MTA3: variants seen among roughly 807,000 people sequenced by gnomAD.
MTA3 encodes metastasis associated 1 family member 3.
Under a neutral mutation model 83.5 loss-of-function variants are expected in MTA3, and 34 were observed. The observed-to-expected ratio is 0.41, with a 90% CI of 0.31 to 0.54. The LOEUF is 0.54. MTA3 is among the 20% of genes least tolerant of loss of function. The probability of loss-of-function intolerance (pLI) is 0.33; values close to 1 mark genes in which losing one functional copy is unlikely to be tolerated. For synonymous variants in MTA3, 303 were observed against 252.7 expected (o/e 1.20, Z -1.89); for missense variants, 761 against 726.4 (o/e 1.05, Z -0.55).
chr2:42,717,050 G>A (rs1470527032), intron 14 of MTA3, among the ~76,000 whole-genome samples: 2 of 139,062 alleles, frequency 1.4e-5, no homozygotes, highest in African/African-American at 5.4e-5. Context: ...GTATCTCATT[G>A]TGTTTTTTTT....
At chr2:42,672,993 C>T (rs1006562031) in intron 8 of MTA3, among the ~76,000 whole-genome samples, 14 of 151,766 alleles carry the variant, frequency 9.2e-5, no homozygotes, top group East Asian at 1.9e-4. Flanking sequence ...ATTACAGGTG[C>T]GCGCCATCAT....
At chr2:42,594,726 A>ATTTTTTTTTT (rs1303482913) in intron 3 of MTA3, among the ~76,000 whole-genome samples, 18 of 29,362 alleles carry the variant, frequency 6.1e-4, no homozygotes, top group African/African-American at 4.2e-3. Flanking sequence ...ATATATATAT[A>ATTTTTTTTTT]TATTTTTTTT....
chr2:42,637,367 G>A (rs905184429), intron 4 of MTA3, among the ~76,000 whole-genome samples: 22 of 152,212 alleles, frequency 1.4e-4, no homozygotes, highest in Admixed American at 3.3e-4. Flanking sequence ...ACATGATTAG[G>A]TTCATTGCTT....
At position 42,619,757 on chromosome 2, in the gene MTA3, C is replaced by T. The variant is rs77409630; in HGVS notation, c.317+10173C>T. On this transcript the variant is annotated intron_variant, in intron 4 of 16. Coordinates refer to ENST00000405094, the MANE Select transcript of MTA3 (RefSeq NM_001330442.2). The stretch of plus-strand genomic sequence containing the variant: ...CCCAGATGTCCCCCAAGACTTTTTC[C>T]GAGGGTTTATGAAATCAAGACTATT... Among the ~76,000 whole-genome samples the T allele has an allele frequency of 5.3e-3, 801 of 152,082 alleles. 19 individuals carry two copies. Among genetic ancestry groups the T allele is most frequent in the Admixed American group, 0.033 (504 of 15,264 alleles).
At chr2:42,740,512 TG>T (rs1202989684) in intron 16 of MTA3, among the ~76,000 whole-genome samples, 2 of 152,204 alleles carry the variant, frequency 1.3e-5, no homozygotes, top group African/African-American at 4.8e-5. Context: ...CTCCAATGAA[TG>T]AATGAATGAA....
chr2:42,676,759 C>T (rs1362753005), intron 8 of MTA3, among the ~76,000 whole-genome samples: 1 of 152,122 alleles, frequency 6.6e-6, no homozygotes, highest in East Asian at 1.9e-4. Context: ...GAGTGAGACC[C>T]TGTCTCCAAA....
chr2:42,594,490 G>A (rs998063981), intron 3 of MTA3, among the ~76,000 whole-genome samples: 10 of 150,238 alleles, frequency 6.7e-5, no homozygotes, highest in African/African-American at 2.2e-4. Context: ...CACCCAACTC[G>A]GACTCCCAAA....
chr2:42,531,261 C>G (rs1489493226), intron 2 of MTA3, among the ~76,000 whole-genome samples: 1 of 152,062 alleles, frequency 6.6e-6, no homozygotes, highest in Non-Finnish European at 1.5e-5. Context: ...TACTGTTTAC[C>G]CGGGTCTGTG....
intron 4 of MTA3, among the ~76,000 whole-genome samples, chr2:42,621,806 C>G (rs1246245176): frequency 6.7e-6 from 1 of 148,356 alleles, no homozygotes; most frequent in Non-Finnish European, 1.5e-5. Context: ...CGCTCCTCAC[C>G]TCCCAGACGG....
rs147989674 is a variant in MTA3, at chr2:42,574,379, G to A, written c.96+3875G>A. 7.5e-3 allele frequency among the ~76,000 whole-genome samples: 1,138 copies of A among 151,962 alleles called. 9 individuals are homozygous for A. Among genetic ancestry groups the A allele is most frequent in the African/African-American group, 0.026 (1,073 of 41,418 alleles). On this transcript the variant is annotated intron_variant, in intron 2 of 16. Coordinates refer to ENST00000405094, the MANE Select transcript of MTA3 (RefSeq NM_001330442.2). Reference sequence around the variant, plus strand: ...CGACCTCAGGTGATCTACCACCTCGGCCTCCCAAAGTGCTGGGATTACAGG... The same window carrying A: ...CGACCTCAGGTGATCTACCACCTCGACCTCCCAAAGTGCTGGGATTACAGG...
At chr2:42,533,791 C>T (rs1459172622) in intron 2 of MTA3, among the ~76,000 whole-genome samples, 1 of 145,746 alleles carries the variant, frequency 6.9e-6, no homozygotes, top group East Asian at 2.0e-4. Context: ...GAGATCGTGC[C>T]ACTGCACTCC....
chr2:42,571,718 C>T (rs1194276232), intron 2 of MTA3, among the ~76,000 whole-genome samples: 4 of 151,914 alleles, frequency 2.6e-5, no homozygotes, highest in African/African-American at 7.3e-5. Flanking sequence ...GAGGTCGAGG[C>T]GGGCGGATCA....
chr2:42,669,083 A>ATT (rs761988223), intron 8 of MTA3, among the ~76,000 whole-genome samples: 44 of 130,728 alleles, frequency 3.4e-4, no homozygotes, highest in African/African-American at 5.4e-4. Flanking sequence ...GAAAATACAG[A>ATT]TTTTTTTTTT....
chr2:42,510,434 C>T (rs1449940425), intron 2 of MTA3, among the ~76,000 whole-genome samples: 1 of 152,010 alleles, frequency 6.6e-6, no homozygotes, highest in Non-Finnish European at 1.5e-5. Flanking sequence ...TTCTTGAGAT[C>T]AGCTCCCATC....
At chr2:42,524,957 CT>C (rs540854902) in intron 2 of MTA3, among the ~76,000 whole-genome samples, 50,848 of 140,920 alleles carry the variant, frequency 0.36, 8,655 homozygotes, top group South Asian at 0.41. Flanking sequence ...CTGTGGGTCT[CT>C]TTTTTTTTTT....
intron 2 of MTA3, among the ~76,000 whole-genome samples, chr2:42,543,021 T>C (rs918194644): frequency 6.6e-6 from 1 of 151,852 alleles, no homozygotes; most frequent in African/African-American, 2.4e-5. Flanking sequence ...GCAAGAAGTG[T>C]GGAGAGTGTT....
chr2:42,653,225 G>A (rs536283984), intron 6 of MTA3, among the ~76,000 whole-genome samples: 12 of 152,248 alleles, frequency 7.9e-5, no homozygotes, highest in South Asian at 2.1e-4. Flanking sequence ...AGGGGAGATC[G>A]TCATGGTCTG....
At chr2:42,707,232 G>A (rs977958320) in intron 12 of MTA3, among the ~76,000 whole-genome samples, 1 of 151,676 alleles carries the variant, frequency 6.6e-6, no homozygotes, top group Non-Finnish European at 1.5e-5. Flanking sequence ...GTTTGGAAAC[G>A]TGGATTTAGA....
At chr2:42,742,382 G>A (rs1669101423) in intron 16 of MTA3, among the ~76,000 whole-genome samples, 2 of 151,900 alleles carry the variant, frequency 1.3e-5, no homozygotes, top group South Asian at 4.2e-4. Context: ...TAGGTGATCC[G>A]CCTGCCTCAG....
Sources: allele counts gnomAD v4.1 joint callset (sites outside exome capture counted in the v4.1 genomes callset), GRCh38; gene constraint gnomAD v4.1.1; transcripts MANE v1.5; gene names NCBI Gene and HGNC (gene_info 2026-07-23, HGNC 2026-07-21).